ARHGAP42: variants seen among roughly 807,000 people sequenced by gnomAD.
ARHGAP42 encodes Rho GTPase activating protein 42.
Under a neutral mutation model 125.0 loss-of-function variants are expected in ARHGAP42, and 63 were observed. The observed-to-expected ratio is 0.50, with a 90% CI of 0.41 to 0.62. The LOEUF (loss-of-function observed/expected upper bound fraction) is 0.62. Among genes scored for constraint, ARHGAP42 ranks in the 20% least tolerant of loss-of-function variants. The pLI, the probability that ARHGAP42 is intolerant of heterozygous loss-of-function variation, is 0.00. For missense variants in ARHGAP42, 766 were observed against 1,024.2 expected (o/e 0.75, Z 3.44); for synonymous variants, 339 against 351.0 (o/e 0.97, Z 0.38).
At chr11:100,914,789 G>T (rs1162922329) in intron 5 of ARHGAP42, among the ~76,000 whole-genome samples, 2 of 152,022 alleles carry the variant, frequency 1.3e-5, no homozygotes, top group Non-Finnish European at 2.9e-5. Context: ...AATTCATCCT[G>T]GTCCTCAGCT....
intron 22 of ARHGAP42, among the ~76,000 whole-genome samples, chr11:100,980,235 T>C (rs969764427): frequency 6.6e-6 from 1 of 152,116 alleles, no homozygotes; most frequent in Non-Finnish European, 1.5e-5. Flanking sequence ...GACCGAAGCA[T>C]GGTGAAAACT....
intron 1 of ARHGAP42, among the ~76,000 whole-genome samples, chr11:100,712,748 A>G (rs1460459752): frequency 1.3e-5 from 2 of 152,210 alleles, no homozygotes; most frequent in Non-Finnish European, 2.9e-5. Context: ...GATCAGGTAG[A>G]AGCTGGAATA....
At position 100,943,500 on chromosome 11, in the gene ARHGAP42, G is replaced by A. The variant is rs543274718; in HGVS notation, c.934-259G>A. Among the ~76,000 whole-genome samples the A allele has an allele frequency of 2.0e-3, 306 of 152,134 alleles. 2 individuals carry two copies. Among genetic ancestry groups the A allele is most frequent in the African/African-American group, 7.0e-3 (290 of 41,530 alleles). On this transcript the variant is annotated intron_variant, in intron 9 of 23. Coordinates refer to ENST00000298815, the MANE Select transcript of ARHGAP42 (RefSeq NM_152432.4). ...ATTATAGTATAATTTAACATTGTAA[G>A]TAAATATGTTGAAGGTTACTGGACA...
intron 4 of ARHGAP42, among the ~76,000 whole-genome samples, chr11:100,873,877 A>AT (rs1774992572): frequency 6.6e-6 from 1 of 152,180 alleles, no homozygotes; most frequent in South Asian, 2.1e-4. Flanking sequence ...ACCACATACT[A>AT]TATTCATGAG....
intron 8 of ARHGAP42, among the ~76,000 whole-genome samples, chr11:100,938,317 C>T (rs1004800456): frequency 5.9e-5 from 9 of 152,058 alleles, no homozygotes; most frequent in Non-Finnish European, 1.0e-4. Flanking sequence ...CAGTGCTTCC[C>T]GCAGATCCTT....
intron 16 of ARHGAP42, among the ~76,000 whole-genome samples, chr11:100,965,211 G>A (rs1858060128): frequency 6.6e-6 from 1 of 152,042 alleles, no homozygotes; most frequent in South Asian, 2.1e-4. Flanking sequence ...ACAACACTTG[G>A]GGATTATGGG....
chr11:100,947,396 T>G (rs1565289325), intron 10 of ARHGAP42, among the ~76,000 whole-genome samples: 1 of 151,942 alleles, frequency 6.6e-6, no homozygotes, highest in East Asian at 1.9e-4. Flanking sequence ...TGTTAATGCT[T>G]TGTCTTAACA....
At chr11:100,960,841 G>A in intron 13 of ARHGAP42, 74 bp from the exon 14 acceptor site, 1 of 968,502 alleles carries the variant, frequency 1.0e-6, no homozygotes. Flanking sequence ...TTAGGCATAT[G>A]TCTGAGTTTT....
chr11:100,816,268 A>G lies in ARHGAP42; in HGVS notation c.312+21102A>G, dbSNP rs577695457. 6.6e-5 allele frequency among the ~76,000 whole-genome samples: 10 copies of G among 152,158 alleles called. No individual in the cohort carries two copies. The South Asian group carries it at 1.9e-3, about 28-fold the overall frequency. On this transcript the variant is annotated intron_variant, in intron 3 of 23. Coordinates refer to ENST00000298815, the MANE Select transcript of ARHGAP42 (RefSeq NM_152432.4). Reference sequence around the variant, plus strand: ...GCTGCACTGTTTTACAATCCCACTAACAGAGCACAAGTATTCCAGTTTCTC... The same window carrying G: ...GCTGCACTGTTTTACAATCCCACTAGCAGAGCACAAGTATTCCAGTTTCTC...
chr11:100,746,763 C>T (rs551990238), intron 1 of ARHGAP42, among the ~76,000 whole-genome samples: 6 of 152,092 alleles, frequency 3.9e-5, no homozygotes, highest in Non-Finnish European at 7.4e-5. Context: ...ACCATAGAAG[C>T]GCTCTAAAGT....
chr11:100,816,526 T>A (rs999214336), intron 3 of ARHGAP42, among the ~76,000 whole-genome samples: 4 of 142,532 alleles, frequency 2.8e-5, no homozygotes, highest in African/African-American at 9.8e-5. Context: ...AGGGCAGATA[T>A]TGTCAAAACA....
Position 100,837,672 on chromosome 11 carries a change from T to A in ARHGAP42, c.313-21882T>A, listed in dbSNP as rs1046627928. On this transcript the variant is annotated intron_variant, in intron 3 of 23. Transcript: ENST00000298815. ...CCAGAATCTAGGTGTCATCCTTTTTTTTTTTTTTTTTTTTTTTTTTTTTTT... is the reference window on the plus strand; with the variant it reads ...CCAGAATCTAGGTGTCATCCTTTTTATTTTTTTTTTTTTTTTTTTTTTTTT... Among the ~76,000 whole-genome samples the A allele has an allele frequency of 1.5e-3, 150 of 100,542 alleles. 2 individuals carry two copies. Among genetic ancestry groups the A allele is most frequent in the African/African-American group, 2.2e-3 (55 of 25,000 alleles). 66.0% of individuals were successfully genotyped at this position (100,542 alleles called of 152,430 possible). A position where few individuals can be genotyped will look rare whatever the true frequency, so the allele number is the denominator to read the frequency against.
intron 5 of ARHGAP42, among the ~76,000 whole-genome samples, chr11:100,920,198 A>T (rs1403837118): frequency 1.3e-5 from 2 of 152,172 alleles, no homozygotes; most frequent in African/African-American, 4.8e-5. Context: ...AAAATTTAGA[A>T]TACTCAACTT....
At chr11:100,983,492 T>C (rs992391004) in intron 22 of ARHGAP42, among the ~76,000 whole-genome samples, 1 of 152,170 alleles carries the variant, frequency 6.6e-6, no homozygotes, top group Non-Finnish European at 1.5e-5. Context: ...ACTACTCCTC[T>C]GTGATAAACA....
At chr11:100,934,526 A>T (rs1160025895) in intron 7 of ARHGAP42, among the ~76,000 whole-genome samples, 4 of 152,206 alleles carry the variant, frequency 2.6e-5, no homozygotes, top group African/African-American at 9.6e-5. Flanking sequence ...TAGCTATACA[A>T]ATTCTGATGT....
intron 4 of ARHGAP42, among the ~76,000 whole-genome samples, chr11:100,866,120 C>T (rs1865563390): frequency 6.6e-6 from 1 of 152,198 alleles, no homozygotes; most frequent in Non-Finnish European, 1.5e-5. Context: ...ACAGTATTCA[C>T]AAGGAATAGA....
At chr11:100,707,700 A>G (rs1861501322) in intron 1 of ARHGAP42, among the ~76,000 whole-genome samples, 1 of 152,206 alleles carries the variant, frequency 6.6e-6, no homozygotes, top group Non-Finnish European at 1.5e-5. Context: ...CAACAGATGT[A>G]TTTAGCACTT....
chr11:100,817,881 G>A (rs1864306924), intron 3 of ARHGAP42, among the ~76,000 whole-genome samples: 1 of 152,216 alleles, frequency 6.6e-6, no homozygotes, highest in African/African-American at 2.4e-5. Context: ...TGCGTGAAGT[G>A]TTGGTGATGA....
intron 17 of ARHGAP42, among the ~76,000 whole-genome samples, chr11:100,971,471 G>A (rs991431070): frequency 1.3e-5 from 2 of 152,146 alleles, no homozygotes; most frequent in Admixed American, 6.5e-5. Context: ...ATGAATTGGG[G>A]AAATAAGTAG....
Sources: allele counts gnomAD v4.1 joint callset (sites outside exome capture counted in the v4.1 genomes callset), GRCh38; gene constraint gnomAD v4.1.1; transcripts MANE v1.5; gene names NCBI Gene and HGNC (gene_info 2026-07-23, HGNC 2026-07-21).